Variants in GRIP1 observed in about 807,000 individuals in gnomAD.
GRIP1 encodes the protein glutamate receptor-interacting protein 1.
A neutral mutation model predicts 129.9 loss-of-function variants in GRIP1; 45 were observed. The observed-to-expected ratio is 0.35, with a 90% confidence interval of 0.27 to 0.44. GRIP1 has a LOEUF of 0.44. Ranked by LOEUF, GRIP1 falls within the 20% of genes least tolerant of loss-of-function variation. The pLI is 1.00. For synonymous variants in GRIP1, 530 were observed against 520.8 expected (o/e 1.02, Z -0.24); for missense variants, 1,196 against 1,396.8 (o/e 0.86, Z 2.29).
At chr12:66,502,868 A>G (rs1285205796) in intron 7 of GRIP1, among the ~76,000 whole-genome samples, 1 of 152,168 alleles carries the variant, frequency 6.6e-6, no homozygotes, top group Non-Finnish European at 1.5e-5. Flanking sequence ...GCCTAACATA[A>G]TCTACACTAA....
At chr12:66,571,091 G>C (rs1260644889) in intron 2 of GRIP1, 1 of 152,178 alleles carries the variant, frequency 6.6e-6, no homozygotes, top group East Asian at 1.9e-4. Flanking sequence ...TGACCAGGTT[G>C]CCAAAGTGAC....
chr12:66,378,822 C>G (rs2055948593), intron 20 of GRIP1, among the ~76,000 whole-genome samples: 1 of 151,954 alleles, frequency 6.6e-6, no homozygotes, highest in South Asian at 2.1e-4. Flanking sequence ...TGGCACAGGC[C>G]TATAATCCCA....
chr12:66,687,012 G>A (rs750247442), intron 1 of GRIP1, among the ~76,000 whole-genome samples: 1 of 152,148 alleles, frequency 6.6e-6, no homozygotes, highest in Non-Finnish European at 1.5e-5. Flanking sequence ...AGTGAACCAT[G>A]ATTGTGCCAC....
intron 1 of GRIP1, among the ~76,000 whole-genome samples, chr12:66,759,104 G>T (rs776253978): frequency 3.3e-5 from 5 of 152,156 alleles, no homozygotes; most frequent in Non-Finnish European, 7.4e-5. Flanking sequence ...CTCCATGAAG[G>T]CTCCGCCCCT....
chr12:66,785,704 C>T (rs1427501903), intron 1 of GRIP1, among the ~76,000 whole-genome samples: 1 of 151,924 alleles, frequency 6.6e-6, no homozygotes, highest in African/African-American at 2.4e-5. Flanking sequence ...TAAGCAAAAA[C>T]AAATAAAATA....
At chr12:66,725,160 G>T (rs1191335481) in intron 1 of GRIP1, among the ~76,000 whole-genome samples, 1 of 151,954 alleles carries the variant, frequency 6.6e-6, no homozygotes, top group African/African-American at 2.4e-5. Context: ...AAAACAGCTG[G>T]ACATGGTGGT....
At chr12:66,847,239 A>G (rs2039834126) in intron 1 of GRIP1, among the ~76,000 whole-genome samples, 1 of 152,156 alleles carries the variant, frequency 6.6e-6, no homozygotes, top group African/African-American at 2.4e-5. Flanking sequence ...CCCCTGCTTC[A>G]AATCCTTTAG....
intron 15 of GRIP1, among the ~76,000 whole-genome samples, chr12:66,409,979 G>A (rs979080070): frequency 3.3e-5 from 5 of 152,138 alleles, no homozygotes; most frequent in Admixed American, 2.0e-4. Flanking sequence ...GGCCGGGCGC[G>A]GTGGCTCACG....
intron 1 of GRIP1, among the ~76,000 whole-genome samples, chr12:66,703,296 T>C (rs2035414010): frequency 6.6e-6 from 1 of 151,852 alleles, no homozygotes; most frequent in Non-Finnish European, 1.5e-5. Context: ...GGTGAAAGAG[T>C]AGTGGATTTC....
At position 66,445,430 on chromosome 12, in the gene GRIP1, T is replaced by C; in HGVS notation, c.1433A>G (p.Asp478Gly). ...TETTEVVLTA[D>G]PVTGFGIQLQ... ...TTGGATCCCAAATCCTGTGACAGGA[T>C]CTGCCGTCAGCACAACCTCTGTGGT... Residue 478 changes from aspartate to glycine, a missense_variant, in exon 12 of 25, where the codon GAT becomes GGT. Physicochemically the swap from Asp to Gly is moderately conservative, Grantham distance 94 (BLOSUM62 -1). This residue lies in a region of GRIP1 where 508 missense variants were observed against 587.0 expected (regional missense o/e 0.87). Coordinates refer to ENST00000359742, the MANE Select transcript of GRIP1 (RefSeq NM_001366722.1). 4 of 1,614,116 alleles carry C rather than the reference T, an allele frequency of 2.5e-6. No homozygotes were observed. Among genetic ancestry groups the C allele is most frequent in the Non-Finnish European group, 3.4e-6 (4 of 1,179,942 alleles).
At chr12:66,818,210 CA>C (rs1364382176) in intron 1 of GRIP1, among the ~76,000 whole-genome samples, 1 of 152,136 alleles carries the variant, frequency 6.6e-6, no homozygotes, top group African/African-American at 2.4e-5. Context: ...GCAGGTCTTC[CA>C]AATGTTAATA....
upstream of GRIP1, among the ~76,000 whole-genome samples, chr12:66,682,904 A>T (rs184126649): frequency 1.5e-3 from 223 of 152,252 alleles, 2 homozygotes; most frequent in South Asian, 4.6e-3. Context: ...TACCTGATAG[A>T]TCCCATTTAT....
chr12:66,816,325 C>T (rs149107742), intron 1 of GRIP1, among the ~76,000 whole-genome samples: 1 of 152,282 alleles, frequency 6.6e-6, no homozygotes, highest in African/African-American at 2.4e-5. Flanking sequence ...AACTGATCTC[C>T]AAGCTTGCTC....
At chr12:66,694,306 T>C (rs1457595571) in intron 1 of GRIP1, among the ~76,000 whole-genome samples, 2 of 152,204 alleles carry the variant, frequency 1.3e-5, no homozygotes, top group East Asian at 1.9e-4. Context: ...ATGAGCTTTG[T>C]AGTTTTGAGT....
chr12:66,880,021 G>C lies in GRIP1; in HGVS notation c.58+189029C>G, dbSNP rs78011006. The stretch of plus-strand genomic sequence containing the variant: ...CATGCTAAGGCCTACTGGGAGAAAT[G>C]CAAGTGATTAATATTGTGCAGGGGC... On this transcript the variant is annotated intron_variant, in intron 1 of 1. Transcript: ENST00000643019. 4.6e-3 allele frequency among the ~76,000 whole-genome samples: 706 copies of C among 152,202 alleles called. 8 individuals are homozygous for C. The highest frequency in any genetic ancestry group is 0.016 in the African/African-American group (660 of 41,522).
chr12:66,867,534 T>A (rs770500773), intron 1 of GRIP1, among the ~76,000 whole-genome samples: 1 of 152,206 alleles, frequency 6.6e-6, no homozygotes, highest in Non-Finnish European at 1.5e-5. Flanking sequence ...TGTTTGTTTC[T>A]TAACTGGTTG....
At chr12:66,427,326 G>T (rs1200513656) in intron 14 of GRIP1, among the ~76,000 whole-genome samples, 2 of 151,926 alleles carry the variant, frequency 1.3e-5, no homozygotes, top group East Asian at 3.9e-4. Flanking sequence ...GGTGGGAGAA[G>T]AAGTAAAGGC....
intron 1 of GRIP1, among the ~76,000 whole-genome samples, chr12:66,966,430 G>A (rs11176502): frequency 0.24 from 35,824 of 151,878 alleles, 4,523 homozygotes; most frequent in East Asian, 0.29. Flanking sequence ...ATTACTACAC[G>A]TTCTAAGTGC....
At chr12:66,997,284 A>G (rs2042481769) in intron 1 of GRIP1, among the ~76,000 whole-genome samples, 1 of 152,060 alleles carries the variant, frequency 6.6e-6, no homozygotes, top group South Asian at 2.1e-4. Context: ...TCTCCATTAA[A>G]TAAGGACAGG....
Sources: allele counts gnomAD v4.1 joint callset (sites outside exome capture counted in the v4.1 genomes callset), GRCh38; gene constraint gnomAD v4.1.1; regional missense constraint gnomAD v4.1.1; transcripts MANE v1.5; gene names NCBI Gene and HGNC (gene_info 2026-07-23, HGNC 2026-07-21).